The following PCDH11Y variants were observed in gnomAD, a reference collection of about 807,000 sequenced individuals.
PCDH11Y encodes the protein protocadherin-11 Y-linked.
For missense variants in PCDH11Y, 12 were observed against 224.8 expected (o/e 0.05, Z 6.05); for synonymous variants, 9 against 83.6 (o/e 0.11, Z 4.87).
At chrY:5,612,294 A>T in intron 4 of PCDH11Y, among the ~76,000 whole-genome samples, 1 of 33,218 alleles carries the variant, frequency 3.0e-5, no homozygotes, top group Non-Finnish European at 7.4e-5. Context: ...TCAAACTCTG[A>T]ATTATGTAAA....
At chrY:5,614,092 C>T in intron 4 of PCDH11Y, among the ~76,000 whole-genome samples, 2 of 16,692 alleles carry the variant, frequency 1.2e-4, no homozygotes, top group Non-Finnish European at 2.7e-4. Flanking sequence ...ATTCTACTGT[C>T]GACGACTCTG....
intron 1 of PCDH11Y, among the ~76,000 whole-genome samples, chrY:5,008,265 A>G (rs2052542364): frequency 3.2e-5 from 1 of 30,942 alleles, no homozygotes. Context: ...ATTTTAGGGG[A>G]TGTTTGCCAA....
At chrY:5,452,753 G>A (rs375836266) in intron 2 of PCDH11Y, among the ~76,000 whole-genome samples, 277 of 31,600 alleles carry the variant, frequency 8.8e-3, no homozygotes, top group African/African-American at 0.031. Context: ...ACAACATGAC[G>A]TTGGTCTTCA....
At chrY:5,145,622 A>G in intron 2 of PCDH11Y, among the ~76,000 whole-genome samples, 1 of 33,430 alleles carries the variant, frequency 3.0e-5, no homozygotes, top group Non-Finnish European at 7.4e-5. Flanking sequence ...TGTTGGCAAT[A>G]TATTTTTATT....
intron 2 of PCDH11Y, among the ~76,000 whole-genome samples, chrY:5,309,858 G>A: frequency 3.2e-5 from 1 of 31,462 alleles, no homozygotes; most frequent in Non-Finnish European, 7.6e-5. Context: ...TTGTTTGGTA[G>A]GAATTCAAAG....
intron 4 of PCDH11Y, among the ~76,000 whole-genome samples, chrY:5,606,145 T>A: frequency 3.3e-5 from 1 of 30,596 alleles, no homozygotes; most frequent in African/African-American, 1.3e-4. Flanking sequence ...CCGTTATTAT[T>A]TTTTTATTTT....
chrY:5,617,356 C>T (rs2053494657), intron 4 of PCDH11Y, among the ~76,000 whole-genome samples: 1 of 33,115 alleles, frequency 3.0e-5, no homozygotes, highest in Non-Finnish European at 7.5e-5. Flanking sequence ...ATAATTTGAC[C>T]GTTATTTCAG....
At chrY:5,134,149 C>T in intron 2 of PCDH11Y, among the ~76,000 whole-genome samples, 1 of 32,934 alleles carries the variant, frequency 3.0e-5, no homozygotes, top group African/African-American at 1.2e-4. Flanking sequence ...TATTCTTTTT[C>T]TCATTGTTCA....
chrY:5,273,668 A>G, intron 2 of PCDH11Y, among the ~76,000 whole-genome samples: 1 of 32,869 alleles, frequency 3.0e-5, no homozygotes, highest in Non-Finnish European at 7.4e-5. Flanking sequence ...CAGATAGCCA[A>G]CTTCAGAGAG....
intron 2 of PCDH11Y, among the ~76,000 whole-genome samples, chrY:5,222,006 A>G (rs1193104901): frequency 1.5e-4 from 5 of 33,171 alleles, no homozygotes; most frequent in Non-Finnish European, 3.0e-4. Flanking sequence ...AGTATGTTGA[A>G]TTTTATCAAA....
intron 1 of PCDH11Y, 38 bp downstream of exon 2, chrY:5,057,497 AT>A (rs1247115005): frequency 5.8e-6 from 2 of 343,704 alleles, no homozygotes; most frequent in East Asian, 2.0e-4. Flanking sequence ...ATATCATCTC[AT>A]TTTTTAAAGA....
At chrY:5,473,443 C>CT (rs2053315971) in intron 2 of PCDH11Y, among the ~76,000 whole-genome samples, 12 of 32,941 alleles carry the variant, frequency 3.6e-4, no homozygotes, top group Admixed American at 3.3e-3. Context: ...TACTATTTGT[C>CT]TTTTTTTGGG....
At chrY:5,145,778 A>G (rs2052856418) in intron 2 of PCDH11Y, among the ~76,000 whole-genome samples, 1 of 33,811 alleles carries the variant, frequency 3.0e-5, no homozygotes, top group African/African-American at 1.1e-4. Flanking sequence ...TCTTCAGATT[A>G]GGAAACTGAA....
intron 4 of PCDH11Y, among the ~76,000 whole-genome samples, chrY:5,601,800 A>T: frequency 9.1e-5 from 3 of 33,137 alleles, no homozygotes; most frequent in Non-Finnish European, 1.5e-4. Context: ...CTGCAGAAAA[A>T]GTTGAATTAG....
intron 1 of PCDH11Y, among the ~76,000 whole-genome samples, chrY:5,009,352 A>G: frequency 3.0e-5 from 1 of 33,778 alleles, no homozygotes; most frequent in Non-Finnish European, 7.3e-5. Context: ...ATGTTATAAA[A>G]CATAAAAAAT....
intron 4 of PCDH11Y, among the ~76,000 whole-genome samples, chrY:5,714,097 G>A (rs1602963319): frequency 3.1e-5 from 1 of 32,769 alleles, no homozygotes; most frequent in Non-Finnish European, 7.5e-5. Context: ...GCATAAGTTC[G>A]ATAAGAATCT....
At chrY:5,444,082 A>G (rs2053284989) in intron 2 of PCDH11Y, among the ~76,000 whole-genome samples, 28 of 32,876 alleles carry the variant, frequency 8.5e-4, no homozygotes, top group Admixed American at 2.2e-3. Flanking sequence ...ACAATAATTT[A>G]TTGAACATTT....
chrY:5,313,088 G>A (rs2053103557), intron 2 of PCDH11Y, among the ~76,000 whole-genome samples: 1 of 31,638 alleles, frequency 3.2e-5, no homozygotes, highest in Admixed American at 3.0e-4. Flanking sequence ...TGTTCATTTA[G>A]TTGGTCCTTG....
chrY:5,004,078 T>C, intron 1 of PCDH11Y, among the ~76,000 whole-genome samples: 1 of 33,663 alleles, frequency 3.0e-5, no homozygotes, highest in Non-Finnish European at 7.4e-5. Flanking sequence ...TCTTCTTCCC[T>C]TTGATGAAAA....
Sources: gnomAD v4.1 joint callset for allele counts (sites outside exome capture counted in the v4.1 genomes callset) on GRCh38, gnomAD v4.1.1 for gene constraint, MANE v1.5 for transcripts, NCBI Gene and HGNC (gene_info 2026-07-23, HGNC 2026-07-21) for gene names.